Variants in GALNT13 observed in about 807,000 individuals in gnomAD.
GALNT13 encodes UDP-GalNAc:polypeptide N-acetylgalactosaminyltransferase 13.
Under a neutral mutation model 64.2 loss-of-function variants are expected in GALNT13, and 28 were observed. The ratio of observed to expected loss-of-function variants is 0.44; its 90% CI spans 0.32 to 0.60. The LOEUF is 0.60. GALNT13 is among the 20% of genes least tolerant of loss of function. The pLI, the probability that GALNT13 is intolerant of heterozygous loss-of-function variation, is 0.05. For missense variants in GALNT13, 577 were observed against 669.8 expected, an observed-to-expected ratio of 0.86 and a Z score of 1.53; for synonymous variants, 214 against 224.6, an observed-to-expected ratio of 0.95 and a Z score of 0.42.
intron 9 of GALNT13, among the ~76,000 whole-genome samples, chr2:154,317,787 C>T (rs1329643426): frequency 6.6e-6 from 1 of 152,092 alleles, no homozygotes; most frequent in East Asian, 1.9e-4. Flanking sequence ...ATTACATAGT[C>T]ATTCTACTTA....
chr2:154,326,715 G>T (rs1694894246), intron 9 of GALNT13, among the ~76,000 whole-genome samples: 1 of 151,996 alleles, frequency 6.6e-6, no homozygotes, highest in African/African-American at 2.4e-5. Context: ...ATAAAATCGA[G>T]CTTAGCCTTA....
the GALNT13 span, among the ~76,000 whole-genome samples, chr2:153,330,008 T>A: frequency 6.6e-6 from 1 of 152,226 alleles, no homozygotes; most frequent in Non-Finnish European, 1.5e-5. Flanking sequence ...TAGCTAGCTA[T>A]CCCAGCACCA....
chr2:153,108,165 A>C, the GALNT13 span, among the ~76,000 whole-genome samples: 2 of 152,200 alleles, frequency 1.3e-5, no homozygotes, highest in Non-Finnish European at 2.9e-5. Context: ...GGCATGAGCC[A>C]CCGTGCCTGG....
the GALNT13 span, among the ~76,000 whole-genome samples, chr2:153,151,931 GTAAC>G: frequency 6.6e-6 from 1 of 151,918 alleles, no homozygotes; most frequent in Admixed American, 6.6e-5. Flanking sequence ...GTATACATAT[GTAAC>G]TAACCTGCAC....
the GALNT13 span, among the ~76,000 whole-genome samples, chr2:153,149,526 G>A: frequency 1.1e-4 from 16 of 151,732 alleles, no homozygotes; most frequent in Admixed American, 3.3e-4. Flanking sequence ...CTTCTGTTGG[G>A]ACTGCAGATT....
intron 9 of GALNT13, among the ~76,000 whole-genome samples, chr2:154,313,413 T>TAA (rs1694155655): frequency 3.5e-5 from 1 of 28,430 alleles, no homozygotes; most frequent in African/African-American, 1.1e-4. Context: ...ATACACCCAG[T>TAA]AGAGATATAT....
At chr2:153,523,684 A>G in the GALNT13 span, among the ~76,000 whole-genome samples, 6 of 152,318 alleles carry the variant, frequency 3.9e-5, no homozygotes, top group Admixed American at 3.9e-4. Context: ...TCATGCTGTA[A>G]TCACTTACCA....
chr2:153,934,845 T>A (rs758751866), intron 2 of GALNT13, among the ~76,000 whole-genome samples: 1 of 152,186 alleles, frequency 6.6e-6, no homozygotes, highest in Non-Finnish European at 1.5e-5. Context: ...CCTGGCTGTT[T>A]GGGGCCTTGC....
chr2:153,981,597 T>A (rs1195458508), intron 3 of GALNT13, among the ~76,000 whole-genome samples: 1 of 152,172 alleles, frequency 6.6e-6, no homozygotes, highest in Non-Finnish European at 1.5e-5. Context: ...TATGCCACAT[T>A]TTCTTAATCC....
the GALNT13 span, among the ~76,000 whole-genome samples, chr2:153,436,969 A>G: frequency 6.6e-6 from 1 of 152,106 alleles, no homozygotes; most frequent in South Asian, 2.1e-4. Flanking sequence ...ATTTAGTGCT[A>G]TAAATTTCCC....
the GALNT13 span, among the ~76,000 whole-genome samples, chr2:153,190,472 T>A: frequency 6.6e-6 from 1 of 152,106 alleles, no homozygotes; most frequent in Non-Finnish European, 1.5e-5. Flanking sequence ...CCATGTTGTT[T>A]TGGTTAATAA....
At chr2:153,919,378 A>C (rs10205115) in intron 2 of GALNT13, among the ~76,000 whole-genome samples, 109,086 of 151,652 alleles carry the variant, frequency 0.72, 39,565 homozygotes, top group East Asian at 0.96. Context: ...TTATTAAAAT[A>C]TACCAGCAGA....
rs1696185649 is a variant in GALNT13 at position 154,005,494 on chromosome 2, T to C, written c.142+60855T>C. Among the ~76,000 whole-genome samples, 3 of 152,270 alleles carry C rather than the reference T, an allele frequency of 2.0e-5. No homozygotes were observed. In the South Asian group the frequency reaches 6.2e-4, roughly 32 times the overall value. On this transcript the variant is annotated intron_variant, in intron 3 of 12. Transcript: ENST00000392825. ...TGATTTATTCTTCAGTTGTTTGCAATGTGGTTGGAATTTATGGCCCCAAAC... is the reference window on the plus strand; with the variant it reads ...TGATTTATTCTTCAGTTGTTTGCAACGTGGTTGGAATTTATGGCCCCAAAC...
intron 3 of GALNT13, among the ~76,000 whole-genome samples, chr2:154,049,492 T>A (rs1232506602): frequency 7.2e-6 from 1 of 139,422 alleles, no homozygotes; most frequent in African/African-American, 2.5e-5. Context: ...TGATATGAAA[T>A]ATATATAAAT....
At chr2:153,533,055 CTT>C in the GALNT13 span, among the ~76,000 whole-genome samples, 1 of 152,220 alleles carries the variant, frequency 6.6e-6, no homozygotes, top group East Asian at 1.9e-4. Context: ...ATTCGATTCT[CTT>C]TTTGCTTGAA....
At chr2:153,953,810 T>C (rs1478867300) in intron 3 of GALNT13, among the ~76,000 whole-genome samples, 1 of 152,132 alleles carries the variant, frequency 6.6e-6, no homozygotes, top group Non-Finnish European at 1.5e-5. Flanking sequence ...GTTGCTCTTA[T>C]TCACTTTTGT....
At chr2:153,632,334 T>A in the GALNT13 span, among the ~76,000 whole-genome samples, 1 of 152,218 alleles carries the variant, frequency 6.6e-6, no homozygotes, top group Admixed American at 6.5e-5. Context: ...TGTGGTAGAT[T>A]TGTTACAGTT....
rs1289611332 is a variant in GALNT13, at chr2:154,225,168, A to AGATAGATAGAT, written c.312-16861_312-16851dup. On this transcript the variant is annotated intron_variant, in intron 4 of 12. Coordinates refer to ENST00000392825, the MANE Select transcript of GALNT13 (RefSeq NM_052917.4). ...GATGACAGATAGATAGATGATAGAT[A>AGATAGATAGAT]GATAGATAGATAGATAGATAGATAG... Among the ~76,000 whole-genome samples, 6 of 142,962 alleles carry AGATAGATAGAT rather than the reference A, an allele frequency of 4.2e-5. No individual in the cohort carries two copies. The East Asian group carries it at 1.2e-3, about 29-fold the overall frequency. 93.8% of individuals were successfully genotyped at this position (142,962 alleles called of 152,430 possible). A position where few individuals can be genotyped will look rare whatever the true frequency, so the allele number is the denominator to read the frequency against.
intron 3 of GALNT13, among the ~76,000 whole-genome samples, chr2:154,099,763 C>T (rs1702254745): frequency 6.6e-6 from 1 of 152,020 alleles, no homozygotes; most frequent in East Asian, 1.9e-4. Context: ...CACAGTGAAA[C>T]CCTCTCTCTA....
Sources: allele counts gnomAD v4.1 joint callset (sites outside exome capture counted in the v4.1 genomes callset), GRCh38; gene constraint gnomAD v4.1.1; transcripts MANE v1.5; gene names NCBI Gene and HGNC (gene_info 2026-07-23, HGNC 2026-07-21).